The following GK5 variants were observed in gnomAD, a reference collection of about 807,000 sequenced individuals.
GK5 encodes the protein glycerol kinase 5, also known as ATP:glycerol 3-phosphotransferase 5.
In GK5, 39 loss-of-function variants were observed where a neutral mutation model predicts 77.3. The ratio of observed to expected loss-of-function variants is 0.50; its 90% confidence interval spans 0.39 to 0.66. The LOEUF is 0.66. Ranked by LOEUF, GK5 falls within the 30% of genes least tolerant of loss-of-function variation. The pLI, the probability that GK5 is intolerant of heterozygous loss-of-function variation, is 0.00. For synonymous variants in GK5, 211 were observed against 208.0 expected (o/e 1.01, Z -0.13); for missense variants, 487 against 633.8 (o/e 0.77, Z 2.49).
intron 6 of GK5, among the ~76,000 whole-genome samples, 172 bp downstream of exon 6, chr3:142,187,532 G>A (rs991157156): frequency 1.3e-5 from 2 of 151,586 alleles, no homozygotes; most frequent in African/African-American, 4.9e-5. Context: ...TTGAGCCCAG[G>A]AAGCTGAGGC....
intron 4 of GK5, among the ~76,000 whole-genome samples, chr3:142,204,060 CCAGA>C (rs1285497751): frequency 1.3e-5 from 2 of 152,082 alleles, no homozygotes; most frequent in African/African-American, 2.4e-5. Context: ...ACCGTGTCAC[CCAGA>C]CAGAGTGCCC....
At chr3:142,184,304 T>C (rs1226019693) in intron 9 of GK5, among the ~76,000 whole-genome samples, 2 of 98,372 alleles carry the variant, frequency 2.0e-5, no homozygotes, top group Admixed American at 9.6e-5. Flanking sequence ...AGAATAAAAA[T>C]GATAACCAAA....
intron 3 of GK5, 66 bp from the exon 4 acceptor site, chr3:142,204,854 T>C: frequency 1.1e-6 from 1 of 907,408 alleles, no homozygotes; most frequent in Non-Finnish European, 1.7e-6. Context: ...AGATGTGCCA[T>C]AAGAGAAAAC....
intron 12 of GK5, among the ~76,000 whole-genome samples, chr3:142,177,229 C>T (rs994559997): frequency 1.3e-5 from 2 of 152,126 alleles, no homozygotes; most frequent in African/African-American, 2.4e-5. Flanking sequence ...TTAGGTTCCA[C>T]ACAGTTCTAA....
In GK5 at chr3:142,165,166, T is replaced by A. The variant is rs534400305; in HGVS notation, c.*456A>T. ...CAAAATTCCACATTTTCTCAGTTATTCTTTCTTTTTAGCTATATGTACTTC... is the reference window on the plus strand; with the variant it reads ...CAAAATTCCACATTTTCTCAGTTATACTTTCTTTTTAGCTATATGTACTTC... On this transcript the variant is annotated 3_prime_UTR_variant, in exon 16 of 16. Transcript: ENST00000392993. The A allele has an allele frequency of 6.5e-6, 1 of 153,084 alleles. No individual in the cohort carries two copies. Among genetic ancestry groups the A allele is most frequent in the African/African-American group, 2.4e-5 (1 of 41,608 alleles). The allele number at this position is 153,084 out of a possible 1,614,324, so 9.5% of individuals were successfully genotyped here.
In GK5 at chr3:142,225,378, C is replaced by G. The variant is rs553539600; in HGVS notation, c.78G>C (p.Val26=). 3.8e-6 allele frequency: 6 copies of G among 1,592,522 alleles called. No individual in the cohort carries two copies. The African/African-American group carries it at 6.7e-5, about 18-fold the overall frequency. ...RYPGFVLGLD[V]GSSVIRCHVY... The stretch of plus-strand genomic sequence containing the variant: ...CGTGGCAGCGGATCACAGAACTGCC[C>G]ACATCCAGCCCCAGCACGAAGCCGG... The change falls in exon 1 of 16, where the codon GTG becomes GTC. Residue 26 remains valine, a synonymous_variant. Transcript: ENST00000392993.
chr3:142,186,068 A>C (rs2063765779), intron 8 of GK5, 79 bp from the exon 9 acceptor site: 1 of 1,277,518 alleles, frequency 7.8e-7, no homozygotes. Flanking sequence ...GTTTTTTTGC[A>C]TAAGCCAAAA....
chr3:142,200,049 C>A (rs1215565973), intron 4 of GK5, among the ~76,000 whole-genome samples: 1 of 151,514 alleles, frequency 6.6e-6, no homozygotes, highest in Admixed American at 6.6e-5. Flanking sequence ...CTTTTAACTT[C>A]CTTCTCATCT....
intron 11 of GK5, among the ~76,000 whole-genome samples, chr3:142,181,171 ATTG>A (rs778863670): frequency 2.6e-5 from 4 of 152,086 alleles, no homozygotes; most frequent in Non-Finnish European, 5.9e-5. Flanking sequence ...TATGCTACAA[ATTG>A]TTTTTACCAA....
rs1560205025 is a variant in GK5 at position 142,161,598 on chromosome 3, GA to G, written c.*4023del. ...TTCCAGTCTGGTAGAGATTTACACA[GA>G]AGGCAGATTAAAGAGAATGATGATC... On this transcript the variant is annotated 3_prime_UTR_variant, in exon 16 of 16. Coordinates refer to ENST00000392993, the MANE Select transcript of GK5 (RefSeq NM_001039547.3). 6.6e-6 allele frequency: 1 copy of G among 152,160 alleles called. No individual in the cohort carries two copies. Among genetic ancestry groups the G allele is most frequent in the East Asian group, 1.9e-4 (1 of 5,198 alleles). The allele number at this position is 152,160 out of a possible 1,614,324, so 9.4% of individuals were successfully genotyped here.
chr3:142,198,299 A>G (rs1449009150), intron 5 of GK5, among the ~76,000 whole-genome samples: 1 of 152,128 alleles, frequency 6.6e-6, no homozygotes, highest in East Asian at 1.9e-4. Flanking sequence ...AGTCTGACAC[A>G]AAAGAATTCC....
chr3:142,223,830 T>G (rs1560242842), intron 1 of GK5, among the ~76,000 whole-genome samples: 1 of 151,324 alleles, frequency 6.6e-6, no homozygotes, highest in Non-Finnish European at 1.5e-5. Flanking sequence ...AGAGCGAGAC[T>G]CCGTCTAAAA....
In GK5 at chr3:142,213,511, A is replaced by C; in HGVS notation, c.317+15T>G. On this transcript the variant is annotated intron_variant, in intron 3 of 15. Transcript: ENST00000392993. ...TGAACCCAGCAGTAGGGTGCTTATC[A>C]CAGAATGTACTTACTTGTTCCACGT... 1 of 1,524,532 alleles carries C rather than the reference A, an allele frequency of 6.6e-7. No homozygotes were observed. The highest frequency in any genetic ancestry group is 9.1e-7 in the Non-Finnish European group (1 of 1,098,418). 94.4% of individuals were successfully genotyped at this position (1,524,532 alleles called of 1,614,324 possible). A position where few individuals can be genotyped will look rare whatever the true frequency, so the allele number is the denominator to read the frequency against.
intron 1 of GK5, among the ~76,000 whole-genome samples, chr3:142,219,000 A>C (rs2064309206): frequency 1.3e-5 from 2 of 152,252 alleles, no homozygotes; most frequent in Non-Finnish European, 1.5e-5. Context: ...TTAGATATTC[A>C]GCATCATTAG....
At chr3:142,191,790 C>T (rs2063855127) in intron 5 of GK5, among the ~76,000 whole-genome samples, 1 of 152,114 alleles carries the variant, frequency 6.6e-6, no homozygotes, top group Admixed American at 6.6e-5. Flanking sequence ...CCAATGCACT[C>T]AACCTGGGTG....
At chr3:142,173,981 A>G (rs552461957) in intron 12 of GK5, among the ~76,000 whole-genome samples, 62 of 152,304 alleles carry the variant, frequency 4.1e-4, no homozygotes, top group African/African-American at 1.4e-3. Context: ...TCCTCAGGGA[A>G]AACTCTGGAC....
intron 11 of GK5, among the ~76,000 whole-genome samples, chr3:142,180,364 G>A (rs373759368): frequency 4.0e-4 from 61 of 151,482 alleles, no homozygotes; most frequent in African/African-American, 1.4e-3. Context: ...GTGCAATGGC[G>A]TGATCTCGGC....
rs376391725 is a variant in GK5, at chr3:142,186,282, G to A, written c.682-15C>T. On this transcript the variant is annotated splice_polypyrimidine_tract_variant and intron_variant, in intron 7 of 15. Transcript: ENST00000392993. ...CTCCAACACATCTGAGCATAAAAAC[G>A]TATCATCAGAATATACATATTTACA... The A allele has an allele frequency of 1.2e-5, 18 of 1,543,318 alleles. No individual in the cohort carries two copies. Among genetic ancestry groups the A allele is most frequent in the South Asian group, 7.9e-5 (7 of 89,092 alleles).
At chr3:142,212,840 C>CTTTTTTTTTCT (rs2064209115) in intron 3 of GK5, among the ~76,000 whole-genome samples, 2 of 101,150 alleles carry the variant, frequency 2.0e-5, no homozygotes, top group African/African-American at 8.0e-5. Flanking sequence ...TTTTTTTTTT[C>CTTTTTTTTTCT]TTTTTTTTTT....
Sources: gnomAD v4.1 joint callset for allele counts (sites outside exome capture counted in the v4.1 genomes callset) on GRCh38, gnomAD v4.1.1 for gene constraint, MANE v1.5 for transcripts, NCBI Gene and HGNC (gene_info 2026-07-23, HGNC 2026-07-21) for gene names.